The following SEL1L variants were observed in gnomAD, a reference collection of about 807,000 sequenced individuals.
SEL1L encodes SEL1L adaptor subunit of SYVN1 ubiquitin ligase, also known as protein sel-1 homolog 1.
SEL1L carries 52 observed loss-of-function variants against 109.8 expected under a neutral mutation model. The ratio of observed to expected loss-of-function variants is 0.47; its 90% confidence interval spans 0.38 to 0.60. The LOEUF is 0.60. Among genes scored for constraint, SEL1L ranks in the 20% least tolerant of loss-of-function variants. SEL1L has a pLI of 0.00. For missense variants in SEL1L, 749 were observed against 962.2 expected, an observed-to-expected ratio of 0.78 and a Z score of 2.93; for synonymous variants, 373 against 339.6, an observed-to-expected ratio of 1.10 and a Z score of -1.08.
chr14:81,514,225 G>T (rs928702587), intron 3 of SEL1L, among the ~76,000 whole-genome samples: 1 of 152,202 alleles, frequency 6.6e-6, no homozygotes, highest in African/African-American at 2.4e-5. Context: ...CCCTCCTCAG[G>T]GTAGCAGGCC....
At position 81,510,472 on chromosome 14, in the gene SEL1L, A is replaced by ATCTCTC. The variant is rs374089460; in HGVS notation, c.341-4237_341-4232dup. ...AAAGGTAAACATAGCTAGAATGCTG[A>ATCTCTC]TCTCTCTCTCTCTCTCTCTCTCTCT... On this transcript the variant is annotated intron_variant, in intron 3 of 20. Coordinates refer to ENST00000336735, the MANE Select transcript of SEL1L (RefSeq NM_005065.6). 6.9e-3 allele frequency among the ~76,000 whole-genome samples: 817 copies of ATCTCTC among 118,832 alleles called. 3 individuals carry two copies. The highest frequency in any genetic ancestry group is 0.01 in the Non-Finnish European group (581 of 58,010). 78.0% of individuals were successfully genotyped at this position (118,832 alleles called of 152,430 possible).
intron 3 of SEL1L, among the ~76,000 whole-genome samples, chr14:81,515,559 CA>C (rs1884667761): frequency 6.6e-6 from 1 of 151,200 alleles, no homozygotes. Flanking sequence ...GGACTGGAGT[CA>C]TAAACATCTG....
rs574405973 is a variant in SEL1L at position 81,473,615 on chromosome 14, T to C, written c.*3357A>G. 8.4e-4 allele frequency: 128 copies of C among 152,354 alleles called. 1 individual carries two copies. Among genetic ancestry groups the C allele is most frequent in the African/African-American group, 2.9e-3 (122 of 41,590 alleles). 9.4% of individuals were successfully genotyped at this position (152,354 alleles called of 1,614,324 possible). ...ATTCACTTTCAAAACAAATATCAGC[T>C]GTCACTGAAATATAGCCCTGCTTGT... On this transcript the variant is annotated 3_prime_UTR_variant, in exon 21 of 21. Transcript: ENST00000336735.
rs745967802 is a variant in SEL1L, at chr14:81,472,589, A to G, written c.*4383T>C. The G allele has an allele frequency of 2.2e-6, 1 of 459,318 alleles. No homozygotes were observed. The highest frequency in any genetic ancestry group is 4.4e-6 in the Non-Finnish European group (1 of 229,550). The allele number at this position is 459,318 out of a possible 1,614,324, so 28.5% of individuals were successfully genotyped here. A position where few individuals can be genotyped will look rare whatever the true frequency, so the allele number is the denominator to read the frequency against. ...GTCCTCTTAAAAAATTCCTGGGACA[A>G]GGCAATGCATAAACAAACTTTAGAT... On this transcript the variant is annotated 3_prime_UTR_variant, in exon 21 of 21. Coordinates refer to ENST00000336735, the MANE Select transcript of SEL1L (RefSeq NM_005065.6).
intron 18 of SEL1L, among the ~76,000 whole-genome samples, chr14:81,484,905 C>G (rs1280532730): frequency 6.6e-6 from 1 of 152,140 alleles, no homozygotes; most frequent in Non-Finnish European, 1.5e-5. Context: ...ACAAACACTC[C>G]TATGTAAATG....
At chr14:81,496,299 G>A (rs1218138611) in intron 10 of SEL1L, among the ~76,000 whole-genome samples, 1 of 152,068 alleles carries the variant, frequency 6.6e-6, no homozygotes, top group Non-Finnish European at 1.5e-5. Flanking sequence ...ACTCCAGCCT[G>A]GGCGAGAGCG....
chr14:81,490,254 G>C, intron 13 of SEL1L, 134 bp downstream of exon 13: 3 of 635,430 alleles, frequency 4.7e-6, no homozygotes, highest in Non-Finnish European at 7.7e-6. Context: ...ACATTCACAT[G>C]AATCATACTT....
intron 5 of SEL1L, 34 bp downstream of exon 5, chr14:81,504,167 A>C (rs770689169): frequency 7.4e-7 from 1 of 1,351,190 alleles, no homozygotes; most frequent in South Asian, 1.4e-5. Flanking sequence ...ATGGCCTGTC[A>C]TGGGGGAAAA....
At chr14:81,510,504 CTCTCTCTCTCTATA>C (rs1007848629) in intron 3 of SEL1L, among the ~76,000 whole-genome samples, 16 of 124,558 alleles carry the variant, frequency 1.3e-4, no homozygotes, top group Middle Eastern at 4.5e-3. Context: ...CTCTCTCTCT[CTCTCTCTCTCTATA>C]TATATATATA....
At chr14:81,517,060 C>T (rs992219948) in intron 3 of SEL1L, among the ~76,000 whole-genome samples, 1 of 152,110 alleles carries the variant, frequency 6.6e-6, no homozygotes, top group African/African-American at 2.4e-5. Context: ...CCCTGACTCA[C>T]TGATATATGG....
chr14:81,486,060 A>G (rs1903511486), intron 17 of SEL1L, among the ~76,000 whole-genome samples: 1 of 152,222 alleles, frequency 6.6e-6, no homozygotes, highest in Admixed American at 6.5e-5. Context: ...ACATTTATGC[A>G]AAGTGCTTAA....
rs1367761921 is a variant in SEL1L at position 81,473,823 on chromosome 14, G to C, written c.*3149C>G. 6.6e-6 allele frequency: 1 copy of C among 151,928 alleles called. No individual in the cohort carries two copies. The highest frequency in any genetic ancestry group is 1.5e-5 in the Non-Finnish European group (1 of 67,972). 9.4% of individuals were successfully genotyped at this position (151,928 alleles called of 1,614,324 possible). ...CTGCATGCATACTTCCAAAACACTG[G>C]TTTGAAGAATGAACATGAGGATAAA... On this transcript the variant is annotated 3_prime_UTR_variant, in exon 21 of 21. Coordinates refer to ENST00000336735, the MANE Select transcript of SEL1L (RefSeq NM_005065.6).
At chr14:81,532,621 G>A (rs1885372548) in intron 1 of SEL1L, among the ~76,000 whole-genome samples, 1 of 152,042 alleles carries the variant, frequency 6.6e-6, no homozygotes, top group South Asian at 2.1e-4. Flanking sequence ...TTAGGTTTAA[G>A]CCTCTTATTT....
At chr14:81,494,209 T>A (rs1204213566) in intron 11 of SEL1L, among the ~76,000 whole-genome samples, 1 of 152,200 alleles carries the variant, frequency 6.6e-6, no homozygotes, top group Non-Finnish European at 1.5e-5. Flanking sequence ...CAATACCATC[T>A]TACTGGTTGC....
Position 81,502,720 on chromosome 14 carries a change from C to T in SEL1L, c.777+1G>A. 6.2e-7 allele frequency: 1 copy of T among 1,613,392 alleles called. No homozygotes were observed. The highest frequency in any genetic ancestry group is 8.5e-7 in the Non-Finnish European group (1 of 1,179,598). On this transcript the variant is annotated splice_donor_variant, in intron 6 of 20. Coordinates refer to ENST00000336735, the MANE Select transcript of SEL1L (RefSeq NM_005065.6). LOFTEE classifies it high-confidence loss of function. ...AGATTCTTCACTGAGAATGTACTTA[C>T]AGTCTGTCCCTTGGGAGAGCCTTCC...
In SEL1L at chr14:81,518,659, TAA is replaced by T. The variant is rs35790401; in HGVS notation, c.340+8072_340+8073del. Reference sequence around the variant, plus strand: ...TGGGGGACAAGAGCGAGACTTCGTCTAAAAAAAAAAAAAAAAAAAAAGGTAAA... The same window carrying T: ...TGGGGGACAAGAGCGAGACTTCGTCTAAAAAAAAAAAAAAAAAAAGGTAAA... On this transcript the variant is annotated intron_variant, in intron 3 of 20. Coordinates refer to ENST00000336735, the MANE Select transcript of SEL1L (RefSeq NM_005065.6). 4.5e-3 allele frequency among the ~76,000 whole-genome samples: 378 copies of T among 84,436 alleles called. 2 individuals carry two copies. In the Middle Eastern group the frequency reaches 0.076, roughly 17 times the overall value. 55.4% of individuals were successfully genotyped at this position (84,436 alleles called of 152,430 possible). A position where few individuals can be genotyped will look rare whatever the true frequency, so the allele number is the denominator to read the frequency against.
rs1903451504 is a variant in SEL1L at position 81,484,291 on chromosome 14, C to T, written c.1980G>A (p.Gln660=). 1 of 1,614,142 alleles carries T rather than the reference C, an allele frequency of 6.2e-7. No homozygotes were observed. The highest frequency in any genetic ancestry group is 1.7e-5 in the Admixed American group (1 of 60,028). Residue 660 remains glutamine (Q), a synonymous_variant, in exon 19 of 21, where the codon CAG becomes CAA. Transcript: ENST00000336735. ...AFIHYRLASE[Q]QHSAQAMFNL... Reference sequence around the variant, plus strand: ...TAAACATAGCTTGTGCACTGTGTTGCTGCTCAGAAGCCAGACGGTAATGAA... The same window carrying T: ...TAAACATAGCTTGTGCACTGTGTTGTTGCTCAGAAGCCAGACGGTAATGAA...
intron 3 of SEL1L, among the ~76,000 whole-genome samples, chr14:81,525,672 T>C (rs944901402): frequency 1.3e-5 from 2 of 152,174 alleles, no homozygotes; most frequent in African/African-American, 4.8e-5. Context: ...GGCACAAAGA[T>C]ACATCTAAAA....
chr14:81,500,994 A>G (rs1017857323), intron 6 of SEL1L, among the ~76,000 whole-genome samples: 1 of 152,224 alleles, frequency 6.6e-6, no homozygotes, highest in Admixed American at 6.5e-5. Context: ...CACTGAAATC[A>G]TGAGCTCCTC....
Sources: allele counts gnomAD v4.1 joint callset (sites outside exome capture counted in the v4.1 genomes callset), GRCh38; gene constraint gnomAD v4.1.1; transcripts MANE v1.5; gene names NCBI Gene and HGNC (gene_info 2026-07-23, HGNC 2026-07-21).